BCAT1: variants seen among roughly 807,000 people sequenced by gnomAD.
BCAT1 encodes the protein branched-chain-amino-acid aminotransferase, cytosolic.
BCAT1 carries 48 observed loss-of-function variants against 52.4 expected under a neutral mutation model. The ratio of observed to expected loss-of-function variants is 0.92; its 90% CI spans 0.73 to 1.16. The LOEUF is 1.16. Ranked by LOEUF, BCAT1 falls within the 50% of genes most tolerant of loss-of-function variation. BCAT1 has a pLI of 0.00. For synonymous variants in BCAT1, 167 were observed against 161.3 expected, an observed-to-expected ratio of 1.04 and a Z score of -0.27; for missense variants, 451 against 457.1, an observed-to-expected ratio of 0.99 and a Z score of 0.12.
intron 6 of BCAT1, among the ~76,000 whole-genome samples, chr12:24,847,760 C>G (rs1941390641): frequency 6.6e-6 from 1 of 152,212 alleles, no homozygotes; most frequent in African/African-American, 2.4e-5. Flanking sequence ...AATCCTGATG[C>G]TCAGTCTCTG....
chr12:24,901,966 G>T (rs1331916833), intron 1 of BCAT1, 81 bp from the exon 2 acceptor site: 1 of 1,610,884 alleles, frequency 6.2e-7, no homozygotes, highest in Non-Finnish European at 8.5e-7. Flanking sequence ...CGCTCACCAT[G>T]ATACCGTGCG....
chr12:24,850,612 G>A (rs1042383940), intron 5 of BCAT1, among the ~76,000 whole-genome samples: 1 of 152,194 alleles, frequency 6.6e-6, no homozygotes, highest in Non-Finnish European at 1.5e-5. Context: ...ATAAACAGAT[G>A]GTAGCCTACT....
intron 5 of BCAT1, among the ~76,000 whole-genome samples, chr12:24,874,103 C>G (rs1334691990): frequency 6.6e-6 from 1 of 152,086 alleles, no homozygotes; most frequent in Admixed American, 6.5e-5. Flanking sequence ...CACCTGAGGT[C>G]AGGAGTTTGG....
intron 1 of BCAT1, among the ~76,000 whole-genome samples, chr12:24,918,997 G>T (rs117981805): frequency 0.015 from 2,308 of 152,276 alleles, 32 homozygotes; most frequent in South Asian, 0.032. Context: ...AGATAAATGT[G>T]TGAGCCTCGA....
At chr12:24,892,481 G>C (rs1942871009) in intron 3 of BCAT1, among the ~76,000 whole-genome samples, 1 of 152,182 alleles carries the variant, frequency 6.6e-6, no homozygotes, top group Non-Finnish European at 1.5e-5. Context: ...AAACTCTGGA[G>C]ATGTAGCCAG....
intron 5 of BCAT1, among the ~76,000 whole-genome samples, chr12:24,867,815 A>G (rs1942069118): frequency 1.3e-5 from 2 of 152,058 alleles, no homozygotes; most frequent in South Asian, 4.1e-4. Flanking sequence ...GACAAGCCTG[A>G]CCAACATGGT....
intron 1 of BCAT1, among the ~76,000 whole-genome samples, chr12:24,910,477 A>T (rs1943304988): frequency 6.6e-6 from 1 of 152,202 alleles, no homozygotes; most frequent in Admixed American, 6.5e-5. Flanking sequence ...TAGCAATGTT[A>T]ACCAAAGCAG....
In BCAT1 at chr12:24,889,137, A is replaced by C. The variant is rs115130231; in HGVS notation, c.279+5138T>G. Among the ~76,000 whole-genome samples, 1,144 of 152,292 alleles carry C rather than the reference A, an allele frequency of 7.5e-3. 9 individuals are homozygous for C. Among genetic ancestry groups the C allele is most frequent in the African/African-American group, 0.027 (1,107 of 41,558 alleles). ...TGCTGCTGGATGGTCTTTTCCCTCGAAGATCCCTCTCTCCCTACAGAAAGA... is the reference window on the plus strand; with the variant it reads ...TGCTGCTGGATGGTCTTTTCCCTCGCAGATCCCTCTCTCCCTACAGAAAGA... On this transcript the variant is annotated intron_variant, in intron 3 of 10. Coordinates refer to ENST00000261192, the MANE Select transcript of BCAT1 (RefSeq NM_005504.7).
intron 4 of BCAT1, among the ~76,000 whole-genome samples, chr12:24,879,037 C>T (rs1942424743): frequency 6.6e-6 from 1 of 152,112 alleles, no homozygotes; most frequent in Non-Finnish European, 1.5e-5. Flanking sequence ...CCATACCCCC[C>T]AATCAATTCT....
chr12:24,948,404 T>C (rs1002775585), intron 1 of BCAT1, among the ~76,000 whole-genome samples: 1 of 152,252 alleles, frequency 6.6e-6, no homozygotes, highest in Non-Finnish European at 1.5e-5. Context: ...GAAGCTTTAA[T>C]TTCCACAAGA....
Position 24,841,603 on chromosome 12 carries a change from T to G in BCAT1, c.817+479A>C, listed in dbSNP as rs1052317596. On this transcript the variant is annotated intron_variant, in intron 7 of 10. Coordinates refer to ENST00000261192, the MANE Select transcript of BCAT1 (RefSeq NM_005504.7). The stretch of plus-strand genomic sequence containing the variant: ...ACGAAAAACAAAAAACCTCTAGAGC[T>G]TCTTTAAATCGAAACTCGGCCGGGT... Among the ~76,000 whole-genome samples the G allele has an allele frequency of 3.3e-5, 5 of 152,084 alleles. No individual in the cohort carries two copies. The South Asian group carries it at 6.2e-4, about 19-fold the overall frequency.
At chr12:24,927,008 T>TGTGG (rs1269246148) in intron 1 of BCAT1, among the ~76,000 whole-genome samples, 1 of 151,598 alleles carries the variant, frequency 6.6e-6, no homozygotes, top group Non-Finnish European at 1.5e-5. Context: ...GTATGTTACA[T>TGTGG]GTGGGACAGA....
At chr12:24,876,110 A>G (rs1942327895) in intron 5 of BCAT1, among the ~76,000 whole-genome samples, 1 of 152,082 alleles carries the variant, frequency 6.6e-6, no homozygotes, top group African/African-American at 2.4e-5. Context: ...AAAAGCAAAA[A>G]AACAGAATGG....
At chr12:24,850,888 G>C (rs759455903) in intron 5 of BCAT1, among the ~76,000 whole-genome samples, 1 of 152,140 alleles carries the variant, frequency 6.6e-6, no homozygotes, top group African/African-American at 2.4e-5. Context: ...TAATTCAGCT[G>C]AAGTTTTTTT....
At chr12:24,944,964 T>C (rs1943913446) in intron 1 of BCAT1, among the ~76,000 whole-genome samples, 1 of 152,240 alleles carries the variant, frequency 6.6e-6, no homozygotes, top group Admixed American at 6.5e-5. Context: ...AAGAAAAATG[T>C]TTTGCAAAAT....
At chr12:24,831,826 A>G (rs570323801) in intron 9 of BCAT1, among the ~76,000 whole-genome samples, 2 of 152,378 alleles carry the variant, frequency 1.3e-5, no homozygotes, top group South Asian at 2.1e-4. Context: ...AATGTTAATC[A>G]TAAGTATTGG....
intron 5 of BCAT1, among the ~76,000 whole-genome samples, chr12:24,876,588 T>A (rs1169000020): frequency 2.0e-5 from 3 of 152,164 alleles, no homozygotes; most frequent in African/African-American, 7.2e-5. Flanking sequence ...GAGTATCAGA[T>A]CTTAGACTGA....
chr12:24,883,762 G>A (rs1455703728), intron 3 of BCAT1, among the ~76,000 whole-genome samples: 1 of 152,136 alleles, frequency 6.6e-6, no homozygotes, highest in Non-Finnish European at 1.5e-5. Context: ...CTTGCAGAGT[G>A]CAATCATTCT....
chr12:24,872,991 C>T (rs1384595107), intron 5 of BCAT1, among the ~76,000 whole-genome samples: 1 of 152,214 alleles, frequency 6.6e-6, no homozygotes, highest in Non-Finnish European at 1.5e-5. Flanking sequence ...CAAGACACCT[C>T]TACACTTACC....
Sources: allele counts gnomAD v4.1 joint callset (sites outside exome capture counted in the v4.1 genomes callset), GRCh38; gene constraint gnomAD v4.1.1; transcripts MANE v1.5; gene names NCBI Gene and HGNC (gene_info 2026-07-23, HGNC 2026-07-21).